Variants in CCSER1 observed in about 807,000 individuals in gnomAD.
The protein encoded by CCSER1 is coiled-coil serine rich protein 1, also known as serine-rich coiled-coil domain-containing protein 1.
A neutral mutation model predicts 82.0 loss-of-function variants in CCSER1; 41 were observed. The ratio of observed to expected loss-of-function variants is 0.50; its 90% CI spans 0.39 to 0.65. CCSER1 has a LOEUF of 0.65. CCSER1 is among the 30% of genes least tolerant of loss of function. The pLI, the probability that CCSER1 is intolerant of heterozygous loss-of-function variation, is 0.00. For missense variants in CCSER1, 1,119 were observed against 1,064.2 expected (o/e 1.05, Z -0.72); for synonymous variants, 414 against 383.9 (o/e 1.08, Z -0.92).
chr4:91,183,662 A>C (rs1416823872), intron 10 of CCSER1, among the ~76,000 whole-genome samples: 1 of 152,208 alleles, frequency 6.6e-6, no homozygotes, highest in Non-Finnish European at 1.5e-5. Context: ...TATGTGGAAG[A>C]AAAAGCTACT....
chr4:91,220,500 T>A (rs901658266), intron 10 of CCSER1, among the ~76,000 whole-genome samples: 19 of 152,242 alleles, frequency 1.2e-4, no homozygotes, highest in Non-Finnish European at 2.6e-4. Context: ...AGGTTTGGAA[T>A]AGCTGTCTTC....
At chr4:90,408,444 G>A (rs1179336543) in intron 4 of CCSER1, among the ~76,000 whole-genome samples, 1 of 152,192 alleles carries the variant, frequency 6.6e-6, no homozygotes, top group African/African-American at 2.4e-5. Context: ...ACTTCCAGAG[G>A]AACGATTAAG....
At chr4:91,373,327 C>G (rs72656163) in intron 10 of CCSER1, among the ~76,000 whole-genome samples, 2 of 152,096 alleles carry the variant, frequency 1.3e-5, no homozygotes, top group Non-Finnish European at 2.9e-5. Flanking sequence ...TTTGTATCAA[C>G]CCCGCCTCGA....
chr4:90,370,900 A>G (rs1259612651), intron 3 of CCSER1, among the ~76,000 whole-genome samples: 1 of 152,004 alleles, frequency 6.6e-6, no homozygotes, highest in Non-Finnish European at 1.5e-5. Context: ...TTTGGCCATG[A>G]ATTATTCATA....
intron 3 of CCSER1, among the ~76,000 whole-genome samples, chr4:90,331,483 G>C (rs1198454022): frequency 6.6e-6 from 1 of 152,148 alleles, no homozygotes; most frequent in Non-Finnish European, 1.5e-5. Flanking sequence ...GAAACTAAAA[G>C]AAAGTCTTGA....
At chr4:90,830,372 C>G (rs1262798765) in intron 8 of CCSER1, among the ~76,000 whole-genome samples, 1 of 152,082 alleles carries the variant, frequency 6.6e-6, no homozygotes, top group Non-Finnish European at 1.5e-5. Flanking sequence ...TAAGCATATG[C>G]AAATTAAATT....
intron 1 of CCSER1, among the ~76,000 whole-genome samples, chr4:90,305,149 C>T (rs1421922417): frequency 9.9e-5 from 15 of 152,158 alleles, no homozygotes. Flanking sequence ...ATCTCCTGAC[C>T]TCGTGATCTG....
intron 1 of CCSER1, among the ~76,000 whole-genome samples, chr4:90,236,740 A>C (rs1745869411): frequency 6.6e-6 from 1 of 152,056 alleles, no homozygotes; most frequent in Admixed American, 6.5e-5. Flanking sequence ...TTTCATGAGA[A>C]ATGTTATTGT....
intron 10 of CCSER1, among the ~76,000 whole-genome samples, chr4:91,459,935 T>C (rs1324498654): frequency 6.6e-6 from 1 of 152,108 alleles, no homozygotes; most frequent in Non-Finnish European, 1.5e-5. Context: ...GAGATAGCCA[T>C]TGACTAAGAA....
intron 5 of CCSER1, among the ~76,000 whole-genome samples, chr4:90,560,746 A>G (rs570104997): frequency 3.9e-5 from 6 of 152,332 alleles, no homozygotes; most frequent in Non-Finnish European, 8.8e-5. Context: ...TAATAATAAT[A>G]TTCTAAATTG....
chr4:90,725,461 G>A (rs901728355), intron 7 of CCSER1, among the ~76,000 whole-genome samples: 2 of 151,368 alleles, frequency 1.3e-5, no homozygotes, highest in Non-Finnish European at 3.0e-5. Flanking sequence ...ATAATATTTA[G>A]TATTGTCTTT....
At chr4:91,293,919 T>C (rs1204546695) in intron 10 of CCSER1, among the ~76,000 whole-genome samples, 2 of 152,022 alleles carry the variant, frequency 1.3e-5, no homozygotes, top group African/African-American at 4.8e-5. Context: ...TTTCAAGTTA[T>C]GTACTCTGAA....
intron 5 of CCSER1, among the ~76,000 whole-genome samples, chr4:90,552,179 C>T (rs1380655629): frequency 6.6e-6 from 1 of 152,152 alleles, no homozygotes; most frequent in African/African-American, 2.4e-5. Context: ...TAAGTTTCAA[C>T]ACCTGAATTT....
intron 5 of CCSER1, among the ~76,000 whole-genome samples, chr4:90,486,956 G>A (rs1383063217): frequency 1.3e-5 from 2 of 152,218 alleles, no homozygotes; most frequent in Non-Finnish European, 2.9e-5. Flanking sequence ...CTGTTGCCCA[G>A]GCTGGAGTGC....
chr4:90,933,132 AGTGTGTGTGTGTGTGTGT>A (rs536402295), intron 9 of CCSER1, among the ~76,000 whole-genome samples: 2,319 of 70,184 alleles, frequency 0.033, 184 homozygotes, highest in Non-Finnish European at 0.043. Flanking sequence ...GTTACCTAGA[AGTGTGTGTGTGTGTGTGT>A]GTGTGTGTGT....
intron 7 of CCSER1, among the ~76,000 whole-genome samples, chr4:90,745,323 A>G (rs1439491718): frequency 2.0e-5 from 3 of 152,040 alleles, no homozygotes; most frequent in African/African-American, 7.3e-5. Context: ...CCCATTTTTG[A>G]CATTTAAGGA....
chr4:90,527,972 TATG>T (rs1774000922), intron 5 of CCSER1, among the ~76,000 whole-genome samples: 1 of 152,134 alleles, frequency 6.6e-6, no homozygotes, highest in Non-Finnish European at 1.5e-5. Flanking sequence ...TAGGGGAAAT[TATG>T]ATGATTTAAA....
At chr4:90,808,318 G>T (rs1757789799) in intron 7 of CCSER1, among the ~76,000 whole-genome samples, 1 of 152,018 alleles carries the variant, frequency 6.6e-6, no homozygotes, top group Admixed American at 6.6e-5. Flanking sequence ...AACGATTCTG[G>T]ACATTGGCTT....
At chr4:90,517,039 T>C (rs1318772905) in intron 5 of CCSER1, among the ~76,000 whole-genome samples, 2 of 152,162 alleles carry the variant, frequency 1.3e-5, no homozygotes, top group African/African-American at 2.4e-5. Context: ...GAAAGTATCC[T>C]AATTCGAAAA....
Sources: gnomAD v4.1 joint callset for allele counts (sites outside exome capture counted in the v4.1 genomes callset) on GRCh38, gnomAD v4.1.1 for gene constraint, MANE v1.5 for transcripts, NCBI Gene and HGNC (gene_info 2026-07-23, HGNC 2026-07-21) for gene names.